The following COL15A1 variants were observed in gnomAD, a reference collection of about 807,000 sequenced individuals.
The protein encoded by COL15A1 is collagen alpha-1(XV) chain.
COL15A1 carries 111 observed loss-of-function variants against 165.9 expected under a neutral mutation model. The observed-to-expected ratio is 0.67, with a 90% CI of 0.57 to 0.78. The LOEUF is 0.78. Ranked by LOEUF, COL15A1 falls within the 30% of genes least tolerant of loss-of-function variation. The probability of loss-of-function intolerance (pLI) is 0.00; values close to 1 mark genes in which losing one functional copy is unlikely to be tolerated. For synonymous variants in COL15A1, 659 were observed against 674.8 expected (o/e 0.98, Z 0.36); for missense variants, 1,745 against 1,789.7 (o/e 0.98, Z 0.45).
intron 11 of COL15A1, among the ~76,000 whole-genome samples, chr9:99,018,403 GGAGTGT>G (rs924119414): frequency 6.6e-6 from 1 of 152,164 alleles, no homozygotes; most frequent in Non-Finnish European, 1.5e-5. Flanking sequence ...TGTGCTCATG[GGAGTGT>G]GAGGGTTACT....
At chr9:99,055,466 A>C in intron 34 of COL15A1, 94 bp downstream of exon 34, 1 of 747,308 alleles carries the variant, frequency 1.3e-6, no homozygotes, top group Non-Finnish European at 2.3e-6. Flanking sequence ...TAGTCATTGT[A>C]CTATAAGCTG....
intron 7 of COL15A1, 63 bp from the exon 8 acceptor site, chr9:99,003,385 TCTCAC>T (rs1397790354): frequency 2.7e-5 from 35 of 1,309,336 alleles, no homozygotes; most frequent in Non-Finnish European, 3.4e-5. Flanking sequence ...GGCAGTCTGT[TCTCAC>T]CAGCCACAGG....
At chr9:99,003,302 A>G (rs1001367712) in intron 7 of COL15A1, 151 bp from the exon 8 acceptor site, 2 of 586,558 alleles carry the variant, frequency 3.4e-6, no homozygotes, top group Admixed American at 3.4e-5. Context: ...CCATCCCTGG[A>G]TTTATGAAAC....
chr9:99,057,987 G>T (rs1012346877), intron 35 of COL15A1, among the ~76,000 whole-genome samples: 1 of 152,162 alleles, frequency 6.6e-6, no homozygotes, highest in Non-Finnish European at 1.5e-5. Flanking sequence ...GGAGTGAACA[G>T]TCAACTTGTG....
chr9:99,061,935 A>T (rs1297798678), intron 36 of COL15A1, 36 bp from the exon 37 acceptor site: 1 of 1,596,852 alleles, frequency 6.3e-7, no homozygotes, highest in Admixed American at 1.7e-5. Flanking sequence ...TCCTCTAATG[A>T]TAATGGCAGT....
At chr9:98,957,350 G>A (rs1226784378) in intron 2 of COL15A1, among the ~76,000 whole-genome samples, 2 of 152,202 alleles carry the variant, frequency 1.3e-5, no homozygotes, top group African/African-American at 2.4e-5. Flanking sequence ...AAAGAACCAT[G>A]GTCTGCTGAT....
chr9:99,064,201 C>A (rs1345570841), intron 39 of COL15A1, among the ~76,000 whole-genome samples: 1 of 152,142 alleles, frequency 6.6e-6, no homozygotes, highest in African/African-American at 2.4e-5. Flanking sequence ...TGTGATCTTA[C>A]AGCTGCTGAC....
At chr9:98,981,438 C>A (rs1477679074) in intron 2 of COL15A1, among the ~76,000 whole-genome samples, 2 of 151,970 alleles carry the variant, frequency 1.3e-5, no homozygotes, top group Non-Finnish European at 2.9e-5. Flanking sequence ...GCCTGGTCAA[C>A]AAGAGCGAGA....
chr9:98,984,954 G>A (rs1346277873), intron 2 of COL15A1, among the ~76,000 whole-genome samples: 2 of 152,144 alleles, frequency 1.3e-5, no homozygotes, highest in African/African-American at 2.4e-5. Flanking sequence ...AGCATGCCTG[G>A]ATAATTTTTG....
At chr9:98,999,361 G>A (rs989755801) in intron 6 of COL15A1, among the ~76,000 whole-genome samples, 1 of 152,088 alleles carries the variant, frequency 6.6e-6, no homozygotes, top group South Asian at 2.1e-4. Context: ...CCCCAACCAG[G>A]ATCTGCCCAC....
At chr9:98,990,160 G>A (rs1838393398) in intron 5 of COL15A1, among the ~76,000 whole-genome samples, 2 of 152,312 alleles carry the variant, frequency 1.3e-5, no homozygotes, top group African/African-American at 2.4e-5. Context: ...AGCACTGGAA[G>A]GACCCAAAGT....
chr9:98,963,249 TG>T (rs1837891186), intron 2 of COL15A1, among the ~76,000 whole-genome samples: 1 of 150,356 alleles, frequency 6.7e-6, no homozygotes, highest in African/African-American at 2.5e-5. Context: ...TAGGACCCAC[TG>T]GGCCTCACTT....
chr9:99,067,902 T>C (rs1825921037), intron 40 of COL15A1, among the ~76,000 whole-genome samples: 1 of 152,108 alleles, frequency 6.6e-6, no homozygotes, highest in Admixed American at 6.5e-5. Flanking sequence ...GCACAAGGCC[T>C]GCCACAAATT....
intron 14 of COL15A1, among the ~76,000 whole-genome samples, chr9:99,024,121 G>T (rs1238165706): frequency 6.6e-6 from 1 of 152,142 alleles, no homozygotes; most frequent in Admixed American, 6.5e-5. Flanking sequence ...CTCATGGCCA[G>T]GGCTAGAAGG....
In COL15A1 at chr9:99,015,404, A is replaced by G. The variant is rs766986702; in HGVS notation, c.1354-13A>G. On this transcript the variant is annotated splice_polypyrimidine_tract_variant and intron_variant, in intron 9 of 41. Coordinates refer to ENST00000375001, the MANE Select transcript of COL15A1 (RefSeq NM_001855.5). ...GCGAAGGGGCACAGCTCCTCATGCC[A>G]ATTTCATTTCAGGGTCCAAGCAGTG... 1 of 1,600,140 alleles carries G rather than the reference A, an allele frequency of 6.2e-7. No individual in the cohort carries two copies. Among genetic ancestry groups the G allele is most frequent in the Non-Finnish European group, 8.6e-7 (1 of 1,168,628 alleles).
At chr9:99,026,048 C>A in intron 16 of COL15A1, 82 bp downstream of exon 16, 1 of 1,341,088 alleles carries the variant, frequency 7.5e-7, no homozygotes, top group Non-Finnish European at 1.0e-6. Flanking sequence ...CCTGACCTTG[C>A]CTCTTATGTG....
chr9:98,960,225 T>A (rs777925215), intron 2 of COL15A1, among the ~76,000 whole-genome samples: 1 of 151,898 alleles, frequency 6.6e-6, no homozygotes, highest in East Asian at 2.0e-4. Context: ...CTGGGCACCA[T>A]AGTGAGACAA....
chr9:99,057,614 C>T (rs1588537516), intron 35 of COL15A1, among the ~76,000 whole-genome samples: 1 of 152,104 alleles, frequency 6.6e-6, no homozygotes, highest in African/African-American at 2.4e-5. Flanking sequence ...AAGTGAGGCC[C>T]AGAGACATTT....
At chr9:99,034,678 A>G in intron 17 of COL15A1, 94 bp downstream of exon 17, 1 of 1,438,464 alleles carries the variant, frequency 7.0e-7, no homozygotes, top group South Asian at 1.4e-5. Flanking sequence ...GGGCTGGAAT[A>G]TTGAACATAT....
Sources: allele counts gnomAD v4.1 joint callset (sites outside exome capture counted in the v4.1 genomes callset), GRCh38; gene constraint gnomAD v4.1.1; transcripts MANE v1.5; gene names NCBI Gene and HGNC (gene_info 2026-07-23, HGNC 2026-07-21).